RRM2B: variants seen among roughly 807,000 people sequenced by gnomAD.
RRM2B encodes the protein ribonucleoside-diphosphate reductase subunit M2 B.
Under a neutral mutation model 45.9 loss-of-function variants are expected in RRM2B, and 20 were observed. That is an observed-to-expected ratio of 0.44 (90% confidence interval 0.31 to 0.63). The LOEUF is 0.63. RRM2B is among the 30% of genes least tolerant of loss of function. RRM2B has a pLI of 0.09. For synonymous variants in RRM2B, 124 were observed against 132.3 expected (o/e 0.94, Z 0.43); for missense variants, 320 against 414.7 (o/e 0.77, Z 1.98).
At position 102,214,131 on chromosome 8, in the gene RRM2B, T is replaced by G. The variant is rs1351118587; in HGVS notation, c.712A>C (p.Met238Leu). 6.2e-7 allele frequency: 1 copy of G among 1,613,416 alleles called. No homozygotes were observed. The highest frequency in any genetic ancestry group is 1.1e-5 in the South Asian group (1 of 91,074). The change falls in exon 7 of 9, where the codon ATG becomes CTG. Residue 238 changes from methionine (M) to leucine (L), a missense_variant. This residue lies in a region of RRM2B where 225 missense variants were observed against 289.4 expected (regional missense o/e 0.78). Coordinates refer to ENST00000251810, the MANE Select transcript of RRM2B (RefSeq NM_015713.5). The stretch of plus-strand genomic sequence containing the variant: ...GGCTTATTTACTAAGTATTGGAACA[T>G]CAGGCAAGCAAAGTCACAGTGAAGT... Reference protein sequence around the residue: ...EGLHCDFACLMFQYLVNKPSE... With the variant: ...EGLHCDFACLLFQYLVNKPSE...
At chr8:102,229,413 C>T (rs1303841400) in intron 2 of RRM2B, among the ~76,000 whole-genome samples, 5 of 152,228 alleles carry the variant, frequency 3.3e-5, no homozygotes, top group Non-Finnish European at 5.9e-5. Context: ...GTTTGCTGAG[C>T]ACTTACTGCA....
intron 2 of RRM2B, 53 bp downstream of exon 2, chr8:102,232,096 G>T: frequency 6.6e-7 from 1 of 1,512,026 alleles, no homozygotes; most frequent in South Asian, 1.1e-5. Context: ...TGTAAAACAA[G>T]AAGGAACACT....
At chr8:102,214,363 G>A (rs1810689181) in intron 6 of RRM2B, 1 of 582,828 alleles carries the variant, frequency 1.7e-6, no homozygotes, top group Non-Finnish European at 3.1e-6. Context: ...AATTTTCAAT[G>A]CCAGCAAATC....
rs1810517888 is a variant in RRM2B at position 102,204,917 on chromosome 8, G to C, written c.*3216C>G. On this transcript the variant is annotated 3_prime_UTR_variant, in exon 9 of 9. Coordinates refer to ENST00000251810, the MANE Select transcript of RRM2B (RefSeq NM_015713.5). ...CTTACATTTTTTTAAACAAGATTAA[G>C]CCCCAAATTGAAGGGATTAAATCCT... 6.6e-6 allele frequency: 1 copy of C among 152,132 alleles called. No homozygotes were observed. Among genetic ancestry groups the C allele is most frequent in the African/African-American group, 2.4e-5 (1 of 41,430 alleles). 9.4% of individuals were successfully genotyped at this position (152,132 alleles called of 1,614,324 possible). A position where few individuals can be genotyped will look rare whatever the true frequency, so the allele number is the denominator to read the frequency against.
In RRM2B at chr8:102,212,787, C is replaced by T; in HGVS notation, c.892G>A (p.Gly298Arg). The T allele has an allele frequency of 6.3e-7, 1 of 1,578,852 alleles. No homozygotes were observed. Among genetic ancestry groups the T allele is most frequent in the Non-Finnish European group, 8.7e-7 (1 of 1,148,232 alleles). Reference sequence around the variant, plus strand: ...TTTAAACACATTACCTTTGAGAATCCAAGTTCCACAAGTAATCTGTCAGCT... The same window carrying T: ...TTTAAACACATTACCTTTGAGAATCTAAGTTCCACAAGTAATCTGTCAGCT... The part of the protein sequence containing the change: ...FVADRLLVEL[G>R]FSKVFQAENP... The change falls in exon 8 of 9, where the codon GGA (glycine) becomes AGA (arginine). Residue 298 changes from glycine (G) to arginine (R), a missense_variant. Coordinates refer to ENST00000251810, the MANE Select transcript of RRM2B (RefSeq NM_015713.5).
chr8:102,209,608 T>C (rs1263098103), intron 8 of RRM2B, among the ~76,000 whole-genome samples: 2 of 152,244 alleles, frequency 1.3e-5, no homozygotes, highest in African/African-American at 4.8e-5. Context: ...AGTTACCATA[T>C]GATCCAGCAA....
At chr8:102,209,791 T>C (rs867858455) in intron 8 of RRM2B, among the ~76,000 whole-genome samples, 6 of 151,812 alleles carry the variant, frequency 4.0e-5, no homozygotes, top group South Asian at 2.1e-4. Flanking sequence ...ATTATTTATT[T>C]GGTCATATAA....
chr8:102,235,035 T>C (rs1289868515), intron 1 of RRM2B, among the ~76,000 whole-genome samples: 1 of 152,174 alleles, frequency 6.6e-6, no homozygotes, highest in Non-Finnish European at 1.5e-5. Flanking sequence ...TATAAAACAC[T>C]TTGGCATCTA....
chr8:102,220,472 T>C (rs1563663196), intron 5 of RRM2B, among the ~76,000 whole-genome samples: 1 of 152,188 alleles, frequency 6.6e-6, no homozygotes, highest in Non-Finnish European at 1.5e-5. Context: ...GGGGTCTTGC[T>C]CTTGTCACCC....
At chr8:102,233,838 G>A (rs556595602) in intron 1 of RRM2B, among the ~76,000 whole-genome samples, 58 of 152,120 alleles carry the variant, frequency 3.8e-4, no homozygotes, top group African/African-American at 1.3e-3. Flanking sequence ...TTAAGACTGG[G>A]TCTTGCTCCG....
intron 2 of RRM2B, among the ~76,000 whole-genome samples, chr8:102,229,696 T>C (rs192157554): frequency 2.2e-4 from 33 of 152,234 alleles, no homozygotes; most frequent in Non-Finnish European, 4.0e-4. Flanking sequence ...GCGATTCTCC[T>C]GCCTCAACCT....
intron 8 of RRM2B, 80 bp from the exon 9 acceptor site, chr8:102,208,365 G>A (rs968866487): frequency 9.6e-7 from 1 of 1,042,420 alleles, no homozygotes; most frequent in South Asian, 1.3e-5. Context: ...GACCAAAACA[G>A]AGGTCAGGTT....
chr8:102,206,887 T>C lies in RRM2B; in HGVS notation c.*1246A>G, dbSNP rs553768124. The C allele has an allele frequency of 6.6e-6, 1 of 152,322 alleles. No homozygotes were observed. The highest frequency in any genetic ancestry group is 2.1e-4 in the South Asian group (1 of 4,826). The allele number at this position is 152,322 out of a possible 1,614,324, so 9.4% of individuals were successfully genotyped here. A position where few individuals can be genotyped will look rare whatever the true frequency, so the allele number is the denominator to read the frequency against. On this transcript the variant is annotated 3_prime_UTR_variant, in exon 9 of 9. Coordinates refer to ENST00000251810, the MANE Select transcript of RRM2B (RefSeq NM_015713.5). ...GTCACATTAAAAGAACTATCTCTTA[T>C]AACAGCTCAAGAGTTTTAAAACCAT...
At chr8:102,214,271 G>A in intron 6 of RRM2B, 113 bp from the exon 7 acceptor site, 1 of 741,470 alleles carries the variant, frequency 1.3e-6, no homozygotes, top group Non-Finnish European at 2.4e-6. Flanking sequence ...AGAACTTCTG[G>A]AAAATGGAAG....
At chr8:102,214,218 G>T in intron 6 of RRM2B, 60 bp from the exon 7 acceptor site, 1 of 1,120,070 alleles carries the variant, frequency 8.9e-7, no homozygotes, top group Non-Finnish European at 1.4e-6. Flanking sequence ...TGCATATGGT[G>T]ATGGGTCAAG....
chr8:102,221,011 C>T lies in RRM2B; in HGVS notation c.551-2064G>A, dbSNP rs28928586. On this transcript the variant is annotated intron_variant, in intron 5 of 8. Transcript: ENST00000251810. ...AGCTGACCTCTATGATGGCAATGTACTAAGATTGTGTAGCTAATATTTTTT... is the reference window on the plus strand; with the variant it reads ...AGCTGACCTCTATGATGGCAATGTATTAAGATTGTGTAGCTAATATTTTTT... 2.7e-3 allele frequency among the ~76,000 whole-genome samples: 414 copies of T among 152,192 alleles called. 5 individuals are homozygous for T. The East Asian group carries it at 0.037, about 14-fold the overall frequency.
intron 5 of RRM2B, among the ~76,000 whole-genome samples, chr8:102,223,102 T>C (rs1272142417): frequency 6.6e-6 from 1 of 151,980 alleles, no homozygotes; most frequent in African/African-American, 2.4e-5. Context: ...CAATTAAAAA[T>C]AGATAAGAAT....
At chr8:102,220,190 G>A (rs1233070693) in intron 5 of RRM2B, among the ~76,000 whole-genome samples, 1 of 152,152 alleles carries the variant, frequency 6.6e-6, no homozygotes, top group Non-Finnish European at 1.5e-5. Context: ...AGTGCGCTAT[G>A]ATCACACCAC....
At chr8:102,226,569 T>G (rs1033971041) in intron 2 of RRM2B, among the ~76,000 whole-genome samples, 1 of 152,094 alleles carries the variant, frequency 6.6e-6, no homozygotes, top group Non-Finnish European at 1.5e-5. Context: ...CTAATGAATC[T>G]CAACAGTCAC....
Sources: allele counts gnomAD v4.1 joint callset (sites outside exome capture counted in the v4.1 genomes callset), GRCh38; gene constraint gnomAD v4.1.1; regional missense constraint gnomAD v4.1.1; transcripts MANE v1.5; gene names NCBI Gene and HGNC (gene_info 2026-07-23, HGNC 2026-07-21).